UBE2K: variants seen among roughly 807,000 people sequenced by gnomAD.
UBE2K encodes ubiquitin conjugating enzyme E2 K.
In UBE2K, 6 loss-of-function variants were observed where a neutral mutation model predicts 30.0. The observed-to-expected ratio is 0.20, with a 90% CI of 0.11 to 0.39. The LOEUF is 0.39. UBE2K is among the 10% of genes least tolerant of loss of function. UBE2K has a pLI of 1.00. For missense variants in UBE2K, 61 were observed against 241.6 expected (o/e 0.25, Z 4.96); for synonymous variants, 86 against 83.7 (o/e 1.03, Z -0.15).
intron 1 of UBE2K, chr4:39,714,540 A>ATTTTTTTTT (rs1316202885): frequency 4.9e-5 from 1 of 20,554 alleles, no homozygotes; most frequent in Non-Finnish European, 7.5e-5. Context: ...ATATATATAT[A>ATTTTTTTTT]TATATATATA....
At chr4:39,741,386 T>C (rs1001461487) in intron 2 of UBE2K, among the ~76,000 whole-genome samples, 1 of 152,246 alleles carries the variant, frequency 6.6e-6, no homozygotes, top group Non-Finnish European at 1.5e-5. Context: ...TCTGTTATTT[T>C]ATATAAAACT....
intron 1 of UBE2K, among the ~76,000 whole-genome samples, chr4:39,729,027 G>C (rs28600929): frequency 3.5e-5 from 5 of 142,974 alleles, no homozygotes; most frequent in African/African-American, 1.3e-4. Context: ...GGAGTACTGT[G>C]CTTCTGTCTC....
intron 3 of UBE2K, among the ~76,000 whole-genome samples, chr4:39,751,887 G>T (rs938598453): frequency 6.6e-6 from 1 of 151,938 alleles, no homozygotes; most frequent in Non-Finnish European, 1.5e-5. Context: ...GAGTCACTTC[G>T]GCCCGGGAGA....
At chr4:39,755,212 C>T (rs796607833) in intron 3 of UBE2K, among the ~76,000 whole-genome samples, 14 of 152,258 alleles carry the variant, frequency 9.2e-5, no homozygotes, top group African/African-American at 3.1e-4. Context: ...GAAGCACAGC[C>T]ACTTACTATT....
chr4:39,713,853 C>T (rs1377524030), intron 1 of UBE2K: 2 of 151,612 alleles, frequency 1.3e-5, no homozygotes, highest in South Asian at 2.1e-4. Flanking sequence ...AAAACCGAAA[C>T]TCTGGAAGTT....
At chr4:39,773,640 G>A (rs889847714) in intron 4 of UBE2K, among the ~76,000 whole-genome samples, 7 of 152,078 alleles carry the variant, frequency 4.6e-5, no homozygotes, top group Admixed American at 4.6e-4. Flanking sequence ...ACAAGAAGGT[G>A]GCTGGGCGCG....
chr4:39,736,149 A>G (rs1299140524), intron 1 of UBE2K, among the ~76,000 whole-genome samples: 1 of 152,158 alleles, frequency 6.6e-6, no homozygotes, highest in African/African-American at 2.4e-5. Context: ...AGGTAACAAT[A>G]TGGAATTCTA....
At chr4:39,731,182 G>C (rs1009096697) in intron 1 of UBE2K, among the ~76,000 whole-genome samples, 1 of 151,844 alleles carries the variant, frequency 6.6e-6, no homozygotes, top group East Asian at 2.0e-4. Flanking sequence ...CATGAGCCAC[G>C]GCGCCCGGCC....
Position 39,742,317 on chromosome 4 carries a change from C to G in UBE2K, c.158-3435C>G, listed in dbSNP as rs28479189. ...TATTGTCACAAAATTTCTTCAGGTA[C>G]CCTTCTCTTACCTGTCAGTTTTTTT... is the stretch of plus-strand genomic sequence containing the variant. On this transcript the variant is annotated intron_variant, in intron 2 of 6. Transcript: ENST00000261427. Among the ~76,000 whole-genome samples, 890 of 151,964 alleles carry G rather than the reference C, an allele frequency of 5.9e-3. 7 individuals are homozygous for G. The highest frequency in any genetic ancestry group is 0.02 in the African/African-American group (846 of 41,482).
At chr4:39,759,311 C>G (rs540824510) in intron 4 of UBE2K, among the ~76,000 whole-genome samples, 5 of 152,196 alleles carry the variant, frequency 3.3e-5, no homozygotes, top group African/African-American at 1.2e-4. Flanking sequence ...AAGTCTCGCT[C>G]TGTCACCCAG....
At chr4:39,718,101 T>G (rs1397118065) in intron 1 of UBE2K, among the ~76,000 whole-genome samples, 1 of 152,156 alleles carries the variant, frequency 6.6e-6, no homozygotes, top group Non-Finnish European at 1.5e-5. Flanking sequence ...TCAGGCAGCC[T>G]GTTTTTATTC....
chr4:39,770,449 A>C, intron 4 of UBE2K: 3 of 1,611,732 alleles, frequency 1.9e-6, no homozygotes, highest in Non-Finnish European at 8.5e-7. Flanking sequence ...ACTTCCGGGC[A>C]CTTGGTGCAC....
At chr4:39,723,508 AC>A (rs1719548864) in intron 1 of UBE2K, among the ~76,000 whole-genome samples, 2 of 151,894 alleles carry the variant, frequency 1.3e-5, no homozygotes, top group South Asian at 4.2e-4. Context: ...AGCTGGGACT[AC>A]AGGCATCCAC....
chr4:39,777,959 A>C lies in UBE2K; in HGVS notation c.528+149A>C, dbSNP rs888575102. 4.4e-6 allele frequency: 3 copies of C among 682,864 alleles called. No homozygotes were observed. In the African/African-American group the frequency reaches 5.7e-5, roughly 13 times the overall value. The allele number at this position is 682,864 out of a possible 1,614,324, so 42.3% of individuals were successfully genotyped here. ...CCATCTCTACAAAAATTAGCTGGAC[A>C]TGGTAGTGAGTGCCTGTAATTCCAG... On this transcript the variant is annotated intron_variant, in intron 6 of 6. Coordinates refer to ENST00000261427, the MANE Select transcript of UBE2K (RefSeq NM_005339.5).
intron 6 of UBE2K, 41 bp from the exon 7 acceptor site, chr4:39,778,319 T>TCAAAA: frequency 7.6e-7 from 1 of 1,310,984 alleles, no homozygotes; most frequent in Non-Finnish European, 1.1e-6. Context: ...TTTAAATGTT[T>TCAAAA]CCTTGAGATT....
chr4:39,771,463 C>G (rs1160574931), intron 4 of UBE2K: 5 of 1,540,820 alleles, frequency 3.2e-6, no homozygotes, highest in African/African-American at 2.8e-5. Context: ...AACCCTGGCC[C>G]GGTTCCGCGC....
intron 2 of UBE2K, among the ~76,000 whole-genome samples, chr4:39,739,891 G>A (rs1720601238): frequency 6.6e-6 from 1 of 152,166 alleles, no homozygotes; most frequent in Admixed American, 6.5e-5. Context: ...GCCCAACCTT[G>A]TACCAATTCT....
intron 4 of UBE2K, among the ~76,000 whole-genome samples, chr4:39,760,521 G>GTTT (rs1711854879): frequency 1.3e-5 from 2 of 152,160 alleles, no homozygotes; most frequent in Non-Finnish European, 2.9e-5. Context: ...GTCATGTTGA[G>GTTT]TGACAAAAGC....
chr4:39,717,083 C>T lies in UBE2K; in HGVS notation c.63+18693C>T, dbSNP rs1223027140. The stretch of plus-strand genomic sequence containing the variant: ...TCTGGATGCTGAGGCGAGAGGATCC[C>T]TTAAGCCTGGGAGATCGAGGCTGCG... On this transcript the variant is annotated intron_variant, in intron 1 of 6. Transcript: ENST00000261427. Among the ~76,000 whole-genome samples, 8 of 151,900 alleles carry T rather than the reference C, an allele frequency of 5.3e-5. No homozygotes were observed. The South Asian group carries it at 1.2e-3, about 24-fold the overall frequency.
Sources: allele counts gnomAD v4.1 joint callset (sites outside exome capture counted in the v4.1 genomes callset), GRCh38; gene constraint gnomAD v4.1.1; transcripts MANE v1.5; gene names NCBI Gene and HGNC (gene_info 2026-07-23, HGNC 2026-07-21).